Variants in MORC1 observed in about 807,000 individuals in gnomAD.
MORC1 encodes the protein MORC family CW-type zinc finger 1.
In MORC1, 59 loss-of-function variants were observed where a neutral mutation model predicts 134.9. The observed-to-expected ratio is 0.44, with a 90% CI of 0.35 to 0.54. The LOEUF is 0.54. Ranked by LOEUF, MORC1 falls within the 20% of genes least tolerant of loss-of-function variation. The probability of loss-of-function intolerance (pLI) is 0.00; values close to 1 mark genes in which losing one functional copy is unlikely to be tolerated. For missense variants in MORC1, 947 were observed against 1,134.5 expected, an observed-to-expected ratio of 0.83 and a Z score of 2.37; for synonymous variants, 395 against 391.7, an observed-to-expected ratio of 1.01 and a Z score of -0.10.
chr3:108,996,286 G>GCGCGCGCACACACACACACACACACA, intron 21 of MORC1, among the ~76,000 whole-genome samples: 4,288 of 146,248 alleles, frequency 0.029, 94 homozygotes, highest in Middle Eastern at 0.074. Context: ...GCGCGCGCGC[G>GCGCGCGCACACACACACACACACACA]CACACACACA....
At chr3:109,051,645 A>G (rs1949833867) in intron 14 of MORC1, among the ~76,000 whole-genome samples, 1 of 152,200 alleles carries the variant, frequency 6.6e-6, no homozygotes, top group South Asian at 2.1e-4. Context: ...CAATTCATAG[A>G]TAACTATGGA....
intron 9 of MORC1, among the ~76,000 whole-genome samples, chr3:109,068,837 T>C (rs796954316): frequency 3.9e-5 from 6 of 152,278 alleles, no homozygotes; most frequent in African/African-American, 1.2e-4. Context: ...GATATTATAA[T>C]ATGTAAATAT....
intron 26 of MORC1, among the ~76,000 whole-genome samples, chr3:108,968,887 T>C (rs1187587356): frequency 1.3e-5 from 2 of 152,168 alleles, no homozygotes; most frequent in African/African-American, 4.8e-5. Context: ...GGAATCTTCA[T>C]GGCCATCCTG....
intron 17 of MORC1, among the ~76,000 whole-genome samples, chr3:109,013,242 G>T (rs1316555744): frequency 2.0e-5 from 3 of 151,716 alleles, no homozygotes; most frequent in Non-Finnish European, 4.4e-5. Context: ...TGTTTTTTTA[G>T]TGTATCTGTT....
chr3:109,075,767 T>C (rs964594405), intron 8 of MORC1, among the ~76,000 whole-genome samples: 2 of 151,960 alleles, frequency 1.3e-5, no homozygotes, highest in Non-Finnish European at 2.9e-5. Flanking sequence ...TAGGATTGTC[T>C]TGGCTATATG....
chr3:108,967,950 A>G (rs1947265923), intron 26 of MORC1, among the ~76,000 whole-genome samples: 1 of 152,218 alleles, frequency 6.6e-6, no homozygotes. Flanking sequence ...ACACTGGGAT[A>G]TTATCTTTCT....
intron 8 of MORC1, among the ~76,000 whole-genome samples, chr3:109,078,207 T>TA (rs1950458614): frequency 6.6e-6 from 1 of 152,066 alleles, no homozygotes; most frequent in Non-Finnish European, 1.5e-5. Flanking sequence ...TTTGAATACT[T>TA]AATTAAAATA....
At chr3:109,061,907 T>C (rs1248581382) in intron 11 of MORC1, 81 bp downstream of exon 11, 3 of 1,234,698 alleles carry the variant, frequency 2.4e-6, no homozygotes, top group East Asian at 4.6e-5. Flanking sequence ...AGGAAGTAGA[T>C]GATAAGAGAC....
chr3:109,072,120 A>G (rs1950332392), intron 8 of MORC1, among the ~76,000 whole-genome samples: 1 of 152,200 alleles, frequency 6.6e-6, no homozygotes, highest in South Asian at 2.1e-4. Flanking sequence ...TGTAAGTGAA[A>G]TGGGCCACGT....
At chr3:108,987,612 G>C (rs754406385) in intron 21 of MORC1, among the ~76,000 whole-genome samples, 38 of 152,028 alleles carry the variant, frequency 2.5e-4, no homozygotes, top group African/African-American at 4.1e-4. Context: ...GCTGGTGTGC[G>C]ATTGGGAGGC....
chr3:109,110,858 T>C (rs1355804066), intron 2 of MORC1, 75 bp from the exon 3 acceptor site: 6 of 1,096,916 alleles, frequency 5.5e-6, no homozygotes, highest in Non-Finnish European at 6.5e-6. Context: ...TATTGTCAGA[T>C]ATCAAACAAT....
At position 108,958,306 on chromosome 3, in the gene MORC1, A is replaced by G. The variant is rs1946987591; in HGVS notation, c.*659T>C. 6.6e-6 allele frequency: 1 copy of G among 152,092 alleles called. No homozygotes were observed. The highest frequency in any genetic ancestry group is 2.1e-4 in the South Asian group (1 of 4,832). 9.4% of individuals were successfully genotyped at this position (152,092 alleles called of 1,614,324 possible). On this transcript the variant is annotated 3_prime_UTR_variant, in exon 28 of 28. Transcript: ENST00000232603. Reference sequence around the variant, plus strand: ...GTTTCAGACATTTCTAAACAAAAAAAAAACACTTATCAAGAAAAGTGTAAA... The same window carrying G: ...GTTTCAGACATTTCTAAACAAAAAAGAAACACTTATCAAGAAAAGTGTAAA...
intron 17 of MORC1, among the ~76,000 whole-genome samples, chr3:109,021,084 T>A (rs1208707878): frequency 1.3e-5 from 2 of 152,138 alleles, no homozygotes; most frequent in African/African-American, 4.8e-5. Context: ...AGGCACAGAC[T>A]TCCTTGACAG....
intron 26 of MORC1, among the ~76,000 whole-genome samples, chr3:108,964,184 T>C (rs1947156860): frequency 6.6e-6 from 1 of 152,246 alleles, no homozygotes; most frequent in African/African-American, 2.4e-5. Flanking sequence ...CCCTCATTAA[T>C]AGAAGAATCT....
intron 9 of MORC1, among the ~76,000 whole-genome samples, chr3:109,069,062 A>T: frequency 6.6e-6 from 1 of 152,196 alleles, no homozygotes; most frequent in South Asian, 2.1e-4. Context: ...AGGCTGAGAC[A>T]GGAGAATCAC....
At chr3:109,072,369 C>T (rs1049529985) in intron 8 of MORC1, among the ~76,000 whole-genome samples, 2 of 152,122 alleles carry the variant, frequency 1.3e-5, no homozygotes. Flanking sequence ...CACTTCCTTT[C>T]GAAGCCTTCC....
chr3:108,978,044 A>AT (rs1662327369), intron 24 of MORC1, among the ~76,000 whole-genome samples: 1 of 151,980 alleles, frequency 6.6e-6, no homozygotes, highest in African/African-American at 2.4e-5. Context: ...TGACTGGCTA[A>AT]TTTTTTGTAT....
At chr3:109,099,334 C>G in intron 6 of MORC1, 24 bp downstream of exon 6, 1 of 1,540,370 alleles carries the variant, frequency 6.5e-7, no homozygotes, top group East Asian at 2.3e-5. Flanking sequence ...GCTATGGGAA[C>G]AGAAGGAAAA....
intron 24 of MORC1, among the ~76,000 whole-genome samples, chr3:108,979,184 A>C (rs1009914187): frequency 2.0e-5 from 3 of 152,154 alleles, no homozygotes; most frequent in Admixed American, 6.5e-5. Context: ...ACCAAAAAAA[A>C]CCCAGAGTTT....
Sources: allele counts gnomAD v4.1 joint callset (sites outside exome capture counted in the v4.1 genomes callset), GRCh38; gene constraint gnomAD v4.1.1; transcripts MANE v1.5; gene names NCBI Gene and HGNC (gene_info 2026-07-23, HGNC 2026-07-21).